The following SLC17A9 variants were observed in gnomAD, a reference collection of about 807,000 sequenced individuals.
SLC17A9 encodes the protein solute carrier family 17 member 9.
A neutral mutation model predicts 55.0 loss-of-function variants in SLC17A9; 49 were observed. The observed-to-expected ratio is 0.89, with a 90% CI of 0.71 to 1.13. The LOEUF is 1.13. Ranked by LOEUF, SLC17A9 falls within the 50% of genes most tolerant of loss-of-function variation. The probability of loss-of-function intolerance (pLI) is 0.00; values close to 1 mark genes in which losing one functional copy is unlikely to be tolerated. For missense variants in SLC17A9, 526 were observed against 569.3 expected, an observed-to-expected ratio of 0.92 and a Z score of 0.77; for synonymous variants, 256 against 247.4, an observed-to-expected ratio of 1.03 and a Z score of -0.32.
At chr20:62,956,203 G>A (rs2065535504) in intron 1 of SLC17A9, among the ~76,000 whole-genome samples, 1 of 152,212 alleles carries the variant, frequency 6.6e-6, no homozygotes, top group African/African-American at 2.4e-5. Flanking sequence ...CGACTTGGTG[G>A]TCTTTTCTCC....
chr20:62,963,313 G>T lies in SLC17A9; in HGVS notation c.669G>T (p.Pro223=), dbSNP rs376167272. Residue 223 remains proline, a synonymous_variant, in exon 6 of 13, where the codon CCG becomes CCT. Coordinates refer to ENST00000370351, the MANE Select transcript of SLC17A9 (RefSeq NM_022082.4). ...TGGGTGTCCTGGCCCAAAGCCGGCCGGTGTCCAGGCACAACAGAGTCCCCT... is the reference window on the plus strand; with the variant it reads ...TGGGTGTCCTGGCCCAAAGCCGGCCTGTGTCCAGGCACAACAGAGTCCCCT... ...LALGVLAQSR[P]VSRHNRVPWR... 1.9e-6 allele frequency: 3 copies of T among 1,613,714 alleles called. No homozygotes were observed. Among genetic ancestry groups the T allele is most frequent in the East Asian group, 2.2e-5 (1 of 44,892 alleles).
chr20:62,962,499 G>C lies in SLC17A9; in HGVS notation c.498-125G>C. 1 of 1,272,456 alleles carries C rather than the reference G, an allele frequency of 7.9e-7. No homozygotes were observed. The highest frequency in any genetic ancestry group is 2.5e-5 in the Admixed American group (1 of 40,744). The allele number at this position is 1,272,456 out of a possible 1,614,324, so 78.8% of individuals were successfully genotyped here. On this transcript the variant is annotated intron_variant, in intron 4 of 12. Coordinates refer to ENST00000370351, the MANE Select transcript of SLC17A9 (RefSeq NM_022082.4). This position sits in a 1 kb window ranked among gnomAD's most constrained non-coding sequence, Gnocchi z 5.5. ...ACGGTGGCTTCTGAGCTGCTCCTCTGGAGGCGATGAAAACACCCTCTTCTC... is the reference window on the plus strand; with the variant it reads ...ACGGTGGCTTCTGAGCTGCTCCTCTCGAGGCGATGAAAACACCCTCTTCTC...
chr20:62,964,111 G>A (rs2065613755), intron 7 of SLC17A9, 117 bp from the exon 8 acceptor site: 4 of 1,017,214 alleles, frequency 3.9e-6, no homozygotes, highest in East Asian at 4.7e-5. Flanking sequence ...GGCTGGCCCT[G>A]CCGGAGAGCT....
At chr20:62,953,161 C>T (rs866450983) in intron 1 of SLC17A9, 14 of 1,535,310 alleles carry the variant, frequency 9.1e-6, no homozygotes, top group Admixed American at 2.0e-5. Context: ...GCTATGTTCC[C>T]CAGGCCAGGG....
In SLC17A9 at chr20:62,967,572, G is replaced by A; in HGVS notation, c.*72G>A. 6.8e-7 allele frequency: 1 copy of A among 1,476,716 alleles called. No individual in the cohort carries two copies. Among genetic ancestry groups the A allele is most frequent in the Non-Finnish European group, 9.1e-7 (1 of 1,094,498 alleles). The allele number at this position is 1,476,716 out of a possible 1,614,324, so 91.5% of individuals were successfully genotyped here. ...AGGACACAGGGGACTCAGTGTGTGG[G>A]ACTTGGTCACTCCATGTCAGACACA... On this transcript the variant is annotated 3_prime_UTR_variant, in exon 13 of 13. Coordinates refer to ENST00000370351, the MANE Select transcript of SLC17A9 (RefSeq NM_022082.4).
At position 62,957,723 on chromosome 20, in the gene SLC17A9, C is replaced by T. The variant is rs542179729; in HGVS notation, c.397+143C>T. 151 of 654,750 alleles carry T rather than the reference C, an allele frequency of 2.3e-4. No homozygotes were observed. The East Asian group carries it at 2.6e-3, about 11-fold the overall frequency. 40.6% of individuals were successfully genotyped at this position (654,750 alleles called of 1,614,324 possible). A position where few individuals can be genotyped will look rare whatever the true frequency, so the allele number is the denominator to read the frequency against. On this transcript the variant is annotated intron_variant, in intron 3 of 12. Transcript: ENST00000370351. ...GTGTATGGGCATGCCCGCGTGCATG[C>T]GTGCACCTGTGTGTGTGTGCGTGTG...
Position 62,952,786 on chromosome 20 carries a change from C to A in SLC17A9, c.-45C>A. 5 of 1,529,164 alleles carry A rather than the reference C, an allele frequency of 3.3e-6. No individual in the cohort carries two copies. The highest frequency in any genetic ancestry group is 4.4e-6 in the Non-Finnish European group (5 of 1,142,264). 94.7% of individuals were successfully genotyped at this position (1,529,164 alleles called of 1,614,324 possible). A position where few individuals can be genotyped will look rare whatever the true frequency, so the allele number is the denominator to read the frequency against. ...GGGTCAGCCTGGGCTGGGAGGCAGC[C>A]CCGGGACACAGCTGTGCCCACGCCG... On this transcript the variant is annotated 5_prime_UTR_variant, in exon 1 of 13. Coordinates refer to ENST00000370351, the MANE Select transcript of SLC17A9 (RefSeq NM_022082.4).
chr20:62,963,888 C>G, intron 7 of SLC17A9: 2 of 600,844 alleles, frequency 3.3e-6, no homozygotes, highest in Non-Finnish European at 5.9e-6. Context: ...GGAAATGATG[C>G]GGGCGCTCGG....
At chr20:62,960,973 C>T (rs892679924) in intron 4 of SLC17A9, among the ~76,000 whole-genome samples, 1 of 152,252 alleles carries the variant, frequency 6.6e-6, no homozygotes, top group Non-Finnish European at 1.5e-5. Context: ...TCTGTGAGCG[C>T]AGGAGCGTCT....
At chr20:62,965,500 C>T (rs2065627938) in intron 9 of SLC17A9, 110 bp from the exon 10 acceptor site, 6 of 1,045,016 alleles carry the variant, frequency 5.7e-6, no homozygotes, top group Non-Finnish European at 8.6e-6. Flanking sequence ...TCGCAGCCAA[C>T]CTGACCGTTG....
At chr20:62,953,136 G>T (rs766418856) in intron 1 of SLC17A9, 2 of 1,506,618 alleles carry the variant, frequency 1.3e-6, no homozygotes. Flanking sequence ...TGTTCCTGGG[G>T]CTCTTCCAGG....
rs117991537 is a variant in SLC17A9, at chr20:62,963,260, G to A, written c.629-13G>A. The A allele has an allele frequency of 0.053, 85,175 of 1,612,394 alleles. 2,530 individuals are homozygous for A. The highest frequency in any genetic ancestry group is 0.061 in the Non-Finnish European group (71,965 of 1,179,690). ...CCCTGATAGCCATCAGTTTGAAACC[G>A]TTGCTCCCTCAGATCTCATCCTGGC... On this transcript the variant is annotated splice_polypyrimidine_tract_variant and intron_variant, in intron 5 of 12. Coordinates refer to ENST00000370351, the MANE Select transcript of SLC17A9 (RefSeq NM_022082.4).
chr20:62,952,756 C>T lies in SLC17A9; in HGVS notation c.-75C>T, dbSNP rs899303866. 1.9e-5 allele frequency: 28 copies of T among 1,469,192 alleles called. No homozygotes were observed. The highest frequency in any genetic ancestry group is 2.2e-5 in the Non-Finnish European group (24 of 1,097,324). 91.0% of individuals were successfully genotyped at this position (1,469,192 alleles called of 1,614,324 possible). A position where few individuals can be genotyped will look rare whatever the true frequency, so the allele number is the denominator to read the frequency against. On this transcript the variant is annotated 5_prime_UTR_variant, in exon 1 of 13. Coordinates refer to ENST00000370351, the MANE Select transcript of SLC17A9 (RefSeq NM_022082.4). ...ACACGTGGACTTGGGCGGTGCTGCC[C>T]GGGTGGGTCAGCCTGGGCTGGGAGG...
Position 62,962,811 on chromosome 20 carries a change from C to T in SLC17A9, c.628+57C>T, listed in dbSNP as rs2065600601. On this transcript the variant is annotated intron_variant, in intron 5 of 12. Transcript: ENST00000370351. This position sits in a 1 kb window ranked among gnomAD's most constrained non-coding sequence, Gnocchi z 5.5. ...GCCCACAGCTGCCCAGTGCCTCCTCCCCTGGTGGCAGCCGCTGAGCAGCCT... is the reference window on the plus strand; with the variant it reads ...GCCCACAGCTGCCCAGTGCCTCCTCTCCTGGTGGCAGCCGCTGAGCAGCCT... 3 of 1,598,492 alleles carry T rather than the reference C, an allele frequency of 1.9e-6. No individual in the cohort carries two copies. Among genetic ancestry groups the T allele is most frequent in the Non-Finnish European group, 1.7e-6 (2 of 1,170,808 alleles).
In SLC17A9 at chr20:62,963,330, G is replaced by A. The variant is rs767294249; in HGVS notation, c.686G>A (p.Arg229Lys). The A allele has an allele frequency of 3.7e-6, 6 of 1,613,660 alleles. No homozygotes were observed. Among genetic ancestry groups the A allele is most frequent in the Non-Finnish European group, 5.1e-6 (6 of 1,180,018 alleles). The change falls in exon 6 of 13, where the codon AGA becomes AAA. Residue 229 changes from arginine to lysine, a missense_variant. Arg to Lys is a conservative substitution (Grantham distance 26). Coordinates refer to ENST00000370351, the MANE Select transcript of SLC17A9 (RefSeq NM_022082.4). ...AQSRPVSRHN[R>K]VPWRRLFRKP... ...AGCCGGCCGGTGTCCAGGCACAACA[G>A]AGTCCCCTGGAGACGGCTCTTCCGG...
In SLC17A9 at chr20:62,956,972, C is replaced by T; in HGVS notation, c.257+10C>T. On this transcript the variant is annotated intron_variant, in intron 2 of 12. Transcript: ENST00000370351. The stretch of plus-strand genomic sequence containing the variant: ...GCCACCTCGGGGATCGGTAACTGCC[C>T]ATCTTCCCCATCTCCTGGCTGGTGG... 1 of 1,613,112 alleles carries T rather than the reference C, an allele frequency of 6.2e-7. No individual in the cohort carries two copies. The highest frequency in any genetic ancestry group is 1.1e-5 in the South Asian group (1 of 91,066).
intron 10 of SLC17A9, 116 bp downstream of exon 10, chr20:62,965,841 C>T (rs184442480): frequency 6.3e-6 from 6 of 948,706 alleles, no homozygotes; most frequent in East Asian, 4.9e-5. Context: ...CACTTCACCC[C>T]CTTCCCAAGC....
At chr20:62,960,658 C>A in intron 4 of SLC17A9, 55 bp downstream of exon 4, 5 of 1,528,450 alleles carry the variant, frequency 3.3e-6, no homozygotes, top group South Asian at 1.2e-5. Context: ...AGCCCCTTGC[C>A]GAGTGGCCCC....
intron 8 of SLC17A9, 132 bp from the exon 9 acceptor site, chr20:62,965,000 C>T (rs1192163569): frequency 1.9e-5 from 20 of 1,035,622 alleles, no homozygotes; most frequent in East Asian, 4.9e-5. Flanking sequence ...GCCTGCAGCA[C>T]GGGATAGCTG....
Sources: gnomAD v4.1 joint callset for allele counts (sites outside exome capture counted in the v4.1 genomes callset) on GRCh38, gnomAD v4.1.1 for gene constraint, Gnocchi (gnomAD v3.1) non-coding constraint, MANE v1.5 for transcripts, NCBI Gene and HGNC (gene_info 2026-07-23, HGNC 2026-07-21) for gene names.